Variants in ZNF385D observed in about 807,000 individuals in gnomAD.
ZNF385D encodes the protein zinc finger protein 385D.
ZNF385D carries 15 observed loss-of-function variants against 35.8 expected under a neutral mutation model. That is an observed-to-expected ratio of 0.42 (90% CI 0.28 to 0.64). The LOEUF (loss-of-function observed/expected upper bound fraction) is 0.64. ZNF385D is among the 30% of genes least tolerant of loss of function. The pLI is 0.23. For missense variants in ZNF385D, 474 were observed against 494.6 expected, an observed-to-expected ratio of 0.96 and a Z score of 0.39; for synonymous variants, 212 against 186.8, an observed-to-expected ratio of 1.13 and a Z score of -1.10.
chr3:21,933,481 G>GA (rs1261065187), intron 3 of ZNF385D, among the ~76,000 whole-genome samples: 1 of 152,152 alleles, frequency 6.6e-6, no homozygotes, highest in Non-Finnish European at 1.5e-5. Context: ...CCCCATTTGT[G>GA]AAAAAGGCCA....
At chr3:21,489,070 T>C (rs922100144) in intron 4 of ZNF385D, among the ~76,000 whole-genome samples, 3 of 152,140 alleles carry the variant, frequency 2.0e-5, no homozygotes, top group African/African-American at 4.8e-5. Flanking sequence ...CTTTTGCTTT[T>C]AATGGACTGA....
intron 2 of ZNF385D, among the ~76,000 whole-genome samples, chr3:22,366,377 C>A (rs1696657474): frequency 6.6e-6 from 1 of 152,248 alleles, no homozygotes; most frequent in Middle Eastern, 3.4e-3. Flanking sequence ...AGCACTAGCA[C>A]TCTCCAGGTA....
At chr3:22,312,034 A>G (rs1403382148) in intron 2 of ZNF385D, among the ~76,000 whole-genome samples, 1 of 152,018 alleles carries the variant, frequency 6.6e-6, no homozygotes, top group Non-Finnish European at 1.5e-5. Context: ...ATCGACCACC[A>G]CTTTGGACTG....
intron 1 of ZNF385D, 127 bp from the exon 2 acceptor site, chr3:21,665,155 G>T: frequency 8.0e-7 from 1 of 1,243,458 alleles, no homozygotes; most frequent in Non-Finnish European, 1.1e-6. Flanking sequence ...GGACTCTATT[G>T]ACCTCAACTG....
At chr3:22,276,446 A>G (rs1028015541) in intron 2 of ZNF385D, among the ~76,000 whole-genome samples, 2 of 152,104 alleles carry the variant, frequency 1.3e-5, no homozygotes, top group African/African-American at 4.8e-5. Context: ...ACTAAAAGTT[A>G]TAAGTCCTGC....
At chr3:22,078,356 A>AT (rs1700574344) in intron 3 of ZNF385D, among the ~76,000 whole-genome samples, 5 of 152,040 alleles carry the variant, frequency 3.3e-5, no homozygotes, top group Non-Finnish European at 7.4e-5. Context: ...TGGTGATCAT[A>AT]ACAGATAATG....
At chr3:21,868,174 C>T (rs893920347) in intron 3 of ZNF385D, among the ~76,000 whole-genome samples, 1 of 152,098 alleles carries the variant, frequency 6.6e-6, no homozygotes, top group African/African-American at 2.4e-5. Context: ...GTATTTTAAG[C>T]TCGTGCACGA....
chr3:21,750,983 G>C lies in ZNF385D; in HGVS notation c.-67C>G. 6.2e-6 allele frequency: 10 copies of C among 1,613,262 alleles called. No homozygotes were observed. The highest frequency in any genetic ancestry group is 1.7e-5 in the Admixed American group (1 of 59,996). On this transcript the variant is annotated 5_prime_UTR_variant, in exon 1 of 8. Coordinates refer to ENST00000281523, the MANE Select transcript of ZNF385D (RefSeq NM_024697.3). Reference sequence around the variant, plus strand: ...AGCTCTCACCCAAGGCTGGCACGTAGAGCAGAGCCCTTTCATGCTACATTC... The same window carrying C: ...AGCTCTCACCCAAGGCTGGCACGTACAGCAGAGCCCTTTCATGCTACATTC...
chr3:21,738,622 T>C (rs1037067228), intron 1 of ZNF385D, among the ~76,000 whole-genome samples: 2 of 152,190 alleles, frequency 1.3e-5, no homozygotes, highest in African/African-American at 4.8e-5. Context: ...TGGGTTTTAA[T>C]GTTTGAGTAT....
chr3:21,707,912 C>A (rs1226938345), intron 1 of ZNF385D, among the ~76,000 whole-genome samples: 1 of 152,096 alleles, frequency 6.6e-6, no homozygotes, highest in Non-Finnish European at 1.5e-5. Context: ...GCTTAGTGAC[C>A]TGAAGTCACT....
At chr3:22,132,951 G>C (rs1379041188) in intron 3 of ZNF385D, among the ~76,000 whole-genome samples, 1 of 152,076 alleles carries the variant, frequency 6.6e-6, no homozygotes, top group East Asian at 1.9e-4. Context: ...GATTCAGACT[G>C]TGTAAACACT....
At chr3:22,297,893 TAC>T (rs1269245902) in intron 2 of ZNF385D, among the ~76,000 whole-genome samples, 7 of 152,132 alleles carry the variant, frequency 4.6e-5, no homozygotes, top group African/African-American at 1.7e-4. Context: ...ATCCAATATT[TAC>T]AGATATTGAA....
chr3:22,243,784 G>A (rs972952318), intron 2 of ZNF385D, among the ~76,000 whole-genome samples: 1 of 150,808 alleles, frequency 6.6e-6, no homozygotes, highest in Non-Finnish European at 1.5e-5. Context: ...AAATAGGGTG[G>A]AAAGTTGGTT....
intron 3 of ZNF385D, among the ~76,000 whole-genome samples, chr3:21,546,114 A>C (rs1439713737): frequency 6.6e-6 from 1 of 152,144 alleles, no homozygotes; most frequent in East Asian, 1.9e-4. Flanking sequence ...ATTATGTCCC[A>C]AAACTCATCA....
At chr3:21,944,341 C>G (rs1443821307) in intron 3 of ZNF385D, among the ~76,000 whole-genome samples, 1 of 152,162 alleles carries the variant, frequency 6.6e-6, no homozygotes, top group East Asian at 1.9e-4. Flanking sequence ...TGAGAACTGT[C>G]AAAGCTGAAG....
intron 4 of ZNF385D, among the ~76,000 whole-genome samples, chr3:21,496,748 T>A (rs577141668): frequency 5.3e-4 from 81 of 151,854 alleles, no homozygotes; most frequent in African/African-American, 1.8e-3. Context: ...TGGTTCAACA[T>A]ACACAAATCA....
intron 4 of ZNF385D, among the ~76,000 whole-genome samples, chr3:21,444,697 A>G (rs950424064): frequency 3.9e-5 from 6 of 152,142 alleles, no homozygotes; most frequent in Admixed American, 2.6e-4. Flanking sequence ...GAATTTCCCT[A>G]TTGATGCCAA....
At chr3:21,735,859 G>A (rs191244233) in intron 1 of ZNF385D, among the ~76,000 whole-genome samples, 2 of 152,338 alleles carry the variant, frequency 1.3e-5, no homozygotes, top group African/African-American at 4.8e-5. Context: ...TCATACTTTA[G>A]CAGGGATTGC....
chr3:21,511,776 G>C, intron 3 of ZNF385D: 1 of 456,210 alleles, frequency 2.2e-6, no homozygotes, highest in Non-Finnish European at 4.4e-6. Flanking sequence ...TATAGAGAGA[G>C]AGTTTAGAGT....
Sources: gnomAD v4.1 joint callset for allele counts (sites outside exome capture counted in the v4.1 genomes callset) on GRCh38, gnomAD v4.1.1 for gene constraint, MANE v1.5 for transcripts, NCBI Gene and HGNC (gene_info 2026-07-23, HGNC 2026-07-21) for gene names.